Variants in CAST observed in about 807,000 individuals in gnomAD.
The protein encoded by CAST is calpastatin.
In CAST, 76 loss-of-function variants were observed where a neutral mutation model predicts 119.6. That is an observed-to-expected ratio of 0.64 (90% confidence interval 0.53 to 0.77). The LOEUF is 0.77. CAST is among the 30% of genes least tolerant of loss of function. CAST has a pLI of 0.00. For synonymous variants in CAST, 319 were observed against 331.6 expected (o/e 0.96, Z 0.41); for missense variants, 953 against 946.5 (o/e 1.01, Z -0.09).
chr5:95,983,090 A>T, the CAST span, among the ~76,000 whole-genome samples: 1 of 152,252 alleles, frequency 6.6e-6, no homozygotes, highest in South Asian at 2.1e-4. Context: ...TACATATGGT[A>T]TGGTTCTATT....
the CAST span, among the ~76,000 whole-genome samples, chr5:96,003,000 C>T: frequency 6.6e-6 from 1 of 152,096 alleles, no homozygotes; most frequent in African/African-American, 2.4e-5. Context: ...CTTTGGGAGG[C>T]CAAGGCAAGA....
the CAST span, among the ~76,000 whole-genome samples, chr5:96,104,143 C>G: frequency 6.6e-6 from 1 of 152,112 alleles, no homozygotes; most frequent in Admixed American, 6.5e-5. Context: ...AACCCTTTGT[C>G]AGATGAGTAG....
the CAST span, among the ~76,000 whole-genome samples, chr5:96,011,953 T>C: frequency 3.8e-3 from 578 of 152,302 alleles, 1 homozygote; most frequent in African/African-American, 0.013. Context: ...GAATAATACA[T>C]AAGAAACTAG....
intron 24 of CAST, chr5:96,761,519 T>C (rs1767951906): frequency 6.6e-6 from 1 of 152,260 alleles, no homozygotes; most frequent in Non-Finnish European, 1.5e-5. Context: ...TTTCTCCATC[T>C]TTTGGTAAAA....
At chr5:96,394,075 A>G in the CAST span, among the ~76,000 whole-genome samples, 1 of 152,250 alleles carries the variant, frequency 6.6e-6, no homozygotes, top group Non-Finnish European at 1.5e-5. Context: ...TGAGGCCTTC[A>G]CAGTTCATGT....
the CAST span, among the ~76,000 whole-genome samples, chr5:96,204,832 G>A: frequency 2.0e-5 from 3 of 151,902 alleles, no homozygotes; most frequent in Non-Finnish European, 2.9e-5. Flanking sequence ...TATAGAGGTT[G>A]GCCTATGATC....
chr5:96,699,587 T>C (rs1056350463), intron 3 of CAST, among the ~76,000 whole-genome samples: 2 of 152,180 alleles, frequency 1.3e-5, no homozygotes, highest in Non-Finnish European at 1.5e-5. Context: ...ATCCCTATTA[T>C]AACATGGATT....
the CAST span, among the ~76,000 whole-genome samples, chr5:96,347,565 C>T: frequency 1.4e-4 from 22 of 152,142 alleles, no homozygotes; most frequent in African/African-American, 5.3e-4. Flanking sequence ...ACTGGCGGGT[C>T]CTCAGTTATT....
At chr5:96,126,459 CATACT>C in the CAST span, among the ~76,000 whole-genome samples, 1 of 152,054 alleles carries the variant, frequency 6.6e-6, no homozygotes, top group Non-Finnish European at 1.5e-5. Flanking sequence ...TCTTAGGACT[CATACT>C]ATATATAACT....
chr5:96,497,408 T>C, the CAST span, among the ~76,000 whole-genome samples: 1 of 152,212 alleles, frequency 6.6e-6, no homozygotes, highest in Non-Finnish European at 1.5e-5. Context: ...ATGGTATTTC[T>C]AGTTGTAGAT....
the CAST span, among the ~76,000 whole-genome samples, chr5:96,350,137 G>A: frequency 1.3e-5 from 2 of 152,168 alleles, no homozygotes; most frequent in Non-Finnish European, 2.9e-5. Context: ...GTGTGCCCAG[G>A]AGGCAAGTCT....
intron 2 of CAST, among the ~76,000 whole-genome samples, chr5:96,690,153 C>T (rs1752559924): frequency 6.6e-6 from 1 of 152,202 alleles, no homozygotes; most frequent in Non-Finnish European, 1.5e-5. Context: ...ACAAGCAACT[C>T]ACTGGAGTGT....
chr5:96,386,261 A>G, the CAST span, among the ~76,000 whole-genome samples: 1 of 152,194 alleles, frequency 6.6e-6, no homozygotes, highest in Admixed American at 6.5e-5. Flanking sequence ...GACAAAATTA[A>G]ACAATGATTT....
the CAST span, among the ~76,000 whole-genome samples, chr5:96,171,272 T>G: frequency 6.6e-6 from 1 of 152,172 alleles, no homozygotes; most frequent in Non-Finnish European, 1.5e-5. Flanking sequence ...CAAGCGGTGT[T>G]GCAGAAGAAA....
chr5:96,327,190 G>A, the CAST span, among the ~76,000 whole-genome samples: 1 of 152,176 alleles, frequency 6.6e-6, no homozygotes, highest in Middle Eastern at 3.2e-3. Context: ...AATAACACCT[G>A]AATCTCAAAT....
chr5:95,988,783 A>G, the CAST span, among the ~76,000 whole-genome samples: 1 of 152,228 alleles, frequency 6.6e-6, no homozygotes, highest in East Asian at 1.9e-4. Context: ...ATACGCATAA[A>G]CTCTTTAGAA....
chr5:96,607,149 G>T (rs975811186), intron 1 of CAST, among the ~76,000 whole-genome samples: 1 of 152,100 alleles, frequency 6.6e-6, no homozygotes, highest in Admixed American at 6.6e-5. Context: ...TTAGCCGGGC[G>T]TGGTGGTGGG....
At chr5:96,390,704 A>C in the CAST span, 1 of 152,628 alleles carries the variant, frequency 6.6e-6, no homozygotes, top group South Asian at 2.1e-4. Flanking sequence ...AATACCTGTA[A>C]AGAAAATATA....
intron 1 of CAST, among the ~76,000 whole-genome samples, chr5:96,643,906 G>C (rs1303551466): frequency 6.6e-6 from 1 of 152,056 alleles, no homozygotes; most frequent in East Asian, 1.9e-4. Context: ...AAAATTAGCT[G>C]GGCATGTTGG....
Sources: gnomAD v4.1 joint callset for allele counts (sites outside exome capture counted in the v4.1 genomes callset) on GRCh38, gnomAD v4.1.1 for gene constraint, MANE v1.5 for transcripts, NCBI Gene and HGNC (gene_info 2026-07-23, HGNC 2026-07-21) for gene names.